The following CPQ variants were observed in gnomAD, a reference collection of about 807,000 sequenced individuals.
CPQ encodes Ser-Met dipeptidase.
Under a neutral mutation model 45.7 loss-of-function variants are expected in CPQ, and 37 were observed. That is an observed-to-expected ratio of 0.81 (90% CI 0.62 to 1.07). CPQ has a LOEUF of 1.07. Ranked by LOEUF, CPQ falls within the 50% of genes least tolerant of loss-of-function variation. The probability of loss-of-function intolerance (pLI) is 0.00; values close to 1 mark genes in which losing one functional copy is unlikely to be tolerated. For missense variants in CPQ, 537 were observed against 572.9 expected, an observed-to-expected ratio of 0.94 and a Z score of 0.64; for synonymous variants, 186 against 205.8, an observed-to-expected ratio of 0.90 and a Z score of 0.82.
At chr8:96,792,021 A>G (rs1285800912) in intron 2 of CPQ, among the ~76,000 whole-genome samples, 4 of 152,120 alleles carry the variant, frequency 2.6e-5, no homozygotes, top group Non-Finnish European at 5.9e-5. Context: ...GTTTAACCAG[A>G]TTTTTTAACT....
intron 1 of CPQ, among the ~76,000 whole-genome samples, chr8:96,717,655 C>G (rs1809700508): frequency 6.6e-6 from 1 of 151,956 alleles, no homozygotes; most frequent in South Asian, 2.1e-4. Context: ...GGTACTCAGA[C>G]AATGGATTGG....
intron 7 of CPQ, among the ~76,000 whole-genome samples, chr8:97,128,540 C>A (rs1415009788): frequency 6.6e-6 from 1 of 152,114 alleles, no homozygotes; most frequent in Non-Finnish European, 1.5e-5. Context: ...CAAAAATTAG[C>A]CAGGTGTGGT....
intron 1 of CPQ, among the ~76,000 whole-genome samples, chr8:96,769,626 ATT>A (rs34672966): frequency 0.012 from 1,351 of 112,612 alleles, 12 homozygotes; most frequent in African/African-American, 0.039. Flanking sequence ...TGTTTACTGG[ATT>A]TTTTTTTTTT....
chr8:97,032,988 G>C (rs939255814), intron 6 of CPQ, among the ~76,000 whole-genome samples: 3 of 152,206 alleles, frequency 2.0e-5, no homozygotes, highest in African/African-American at 7.2e-5. Context: ...TGGCATGTTA[G>C]TCGTGAGGAA....
rs112764646 is a variant in CPQ at position 96,957,016 on chromosome 8, A to G, written c.850-8919A>G. On this transcript the variant is annotated intron_variant, in intron 4 of 7. Transcript: ENST00000220763. ...GCAGCTTGCGCTGATTTTTAAGATC[A>G]TTGAAAATCAGGTCATTGAGAAGTC... Among the ~76,000 whole-genome samples, 788 of 152,368 alleles carry G rather than the reference A, an allele frequency of 5.2e-3. 7 individuals carry two copies. The highest frequency in any genetic ancestry group is 0.018 in the African/African-American group (741 of 41,600).
Position 96,785,465 on chromosome 8 carries a change from T to C in CPQ, c.433+135T>C, listed in dbSNP as rs995589854. ...CATTGGCTTAATGAGTTCTCTACCC[T>C]TTTTTGTCCTCCCATTTTTTACTTC... On this transcript the variant is annotated intron_variant, in intron 2 of 7. Coordinates refer to ENST00000220763, the MANE Select transcript of CPQ (RefSeq NM_016134.4). 23 of 697,696 alleles carry C rather than the reference T, an allele frequency of 3.3e-5. No homozygotes were observed. The East Asian group carries it at 5.6e-4, about 17-fold the overall frequency. 43.2% of individuals were successfully genotyped at this position (697,696 alleles called of 1,614,324 possible). A position where few individuals can be genotyped will look rare whatever the true frequency, so the allele number is the denominator to read the frequency against.
At chr8:96,826,244 TAGG>T (rs1346179533) in intron 2 of CPQ, among the ~76,000 whole-genome samples, 2 of 152,080 alleles carry the variant, frequency 1.3e-5, no homozygotes, top group African/African-American at 2.4e-5. Flanking sequence ...TGATGTGTGA[TAGG>T]AGGAGGAAGT....
intron 1 of CPQ, among the ~76,000 whole-genome samples, chr8:96,712,675 G>C (rs1419314955): frequency 6.6e-6 from 1 of 152,170 alleles, no homozygotes; most frequent in Non-Finnish European, 1.5e-5. Context: ...ATCATGTCTT[G>C]AGGCTGCATA....
intron 4 of CPQ, among the ~76,000 whole-genome samples, chr8:96,933,703 A>G (rs547447052): frequency 7.9e-5 from 12 of 152,274 alleles, no homozygotes; most frequent in African/African-American, 2.2e-4. Flanking sequence ...ATTAATACCC[A>G]TGTTGCAAGA....
chr8:96,827,270 G>GT (rs1352902610), intron 2 of CPQ, among the ~76,000 whole-genome samples: 2 of 152,010 alleles, frequency 1.3e-5, no homozygotes, highest in African/African-American at 4.8e-5. Flanking sequence ...TTCTTCTGCT[G>GT]TTTTTTTCTC....
At chr8:97,139,955 A>G (rs1812129142) in intron 7 of CPQ, among the ~76,000 whole-genome samples, 1 of 151,904 alleles carries the variant, frequency 6.6e-6, no homozygotes, top group Non-Finnish European at 1.5e-5. Context: ...AATGAAAGTC[A>G]TCATTTTTTC....
chr8:96,792,593 ATTAG>A (rs1334913489), intron 2 of CPQ, among the ~76,000 whole-genome samples: 2 of 152,102 alleles, frequency 1.3e-5, no homozygotes, highest in Admixed American at 6.6e-5. Context: ...TATGTTTTAT[ATTAG>A]TTAGGGGGCT....
At chr8:96,999,308 G>A (rs902742530) in intron 5 of CPQ, among the ~76,000 whole-genome samples, 1 of 151,310 alleles carries the variant, frequency 6.6e-6, no homozygotes, top group African/African-American at 2.4e-5. Flanking sequence ...TCTGTCATGG[G>A]GTTTGTTGTA....
intron 1 of CPQ, among the ~76,000 whole-genome samples, chr8:96,683,138 G>T (rs2464491): frequency 0.71 from 107,687 of 151,948 alleles, 38,576 homozygotes; most frequent in Middle Eastern, 0.82. Flanking sequence ...GTGTTTTTAT[G>T]ATGGTAGAGA....
chr8:96,991,619 A>G (rs1330866207), intron 5 of CPQ, among the ~76,000 whole-genome samples: 1 of 150,922 alleles, frequency 6.6e-6, no homozygotes, highest in Non-Finnish European at 1.5e-5. Flanking sequence ...CCCTACATCT[A>G]GCTATAATTA....
At chr8:96,683,793 C>G (rs1809185808) in intron 1 of CPQ, among the ~76,000 whole-genome samples, 1 of 145,128 alleles carries the variant, frequency 6.9e-6, no homozygotes, top group Non-Finnish European at 1.5e-5. Flanking sequence ...TCTTCATGTT[C>G]AGCAGTTCTT....
chr8:97,030,372 T>C (rs1416042182), intron 6 of CPQ, among the ~76,000 whole-genome samples: 2 of 143,782 alleles, frequency 1.4e-5, no homozygotes, highest in African/African-American at 5.6e-5. Context: ...TTTTTGACCT[T>C]TTTTTTTTTT....
Position 96,809,262 on chromosome 8 carries a change from C to G in CPQ, c.433+23932C>G, listed in dbSNP as rs200841698. On this transcript the variant is annotated intron_variant, in intron 2 of 7. Coordinates refer to ENST00000220763, the MANE Select transcript of CPQ (RefSeq NM_016134.4). The stretch of plus-strand genomic sequence containing the variant: ...TATTTACCTAAGAAAAATGAAAACA[C>G]AATTCTACTCAAAGGCTTATAGGTG... Among the ~76,000 whole-genome samples, 18 of 152,122 alleles carry G rather than the reference C, an allele frequency of 1.2e-4. 1 individual carries two copies. The East Asian group carries it at 3.5e-3, about 29-fold the overall frequency.
chr8:96,661,347 C>T (rs1815699845), intron 1 of CPQ, among the ~76,000 whole-genome samples: 1 of 152,026 alleles, frequency 6.6e-6, no homozygotes, highest in Non-Finnish European at 1.5e-5. Flanking sequence ...ATATCATCAT[C>T]GCCCAAAGCC....
Sources: gnomAD v4.1 joint callset for allele counts (sites outside exome capture counted in the v4.1 genomes callset) on GRCh38, gnomAD v4.1.1 for gene constraint, MANE v1.5 for transcripts, NCBI Gene and HGNC (gene_info 2026-07-23, HGNC 2026-07-21) for gene names.